C14orf39: variants seen among roughly 807,000 people sequenced by gnomAD.
C14orf39 encodes chromosome 14 open reading frame 39.
In C14orf39, 66 loss-of-function variants were observed where a neutral mutation model predicts 85.6. That is an observed-to-expected ratio of 0.77 (90% CI 0.63 to 0.95). The LOEUF (loss-of-function observed/expected upper bound fraction) is 0.95. Ranked by LOEUF, C14orf39 falls within the 40% of genes least tolerant of loss-of-function variation. The pLI is 0.00. For synonymous variants in C14orf39, 242 were observed against 214.0 expected (o/e 1.13, Z -1.14); for missense variants, 735 against 663.9 (o/e 1.11, Z -1.18).
chr14:60,510,266 A>G (rs1893270595), intron 1 of C14orf39, among the ~76,000 whole-genome samples: 1 of 152,266 alleles, frequency 6.6e-6, no homozygotes, highest in South Asian at 2.1e-4. Flanking sequence ...TTAAAATCCT[A>G]CAAACAGTTA....
At chr14:60,509,664 C>G in intron 1 of C14orf39, 1 of 1,614,008 alleles carries the variant, frequency 6.2e-7, no homozygotes, top group Non-Finnish European at 8.5e-7. Context: ...AAGCTGCAGG[C>G]GCTGTGGCTT....
rs534592125 is a variant in C14orf39 at position 60,472,936 on chromosome 14, G to A, written c.324-1197C>T. On this transcript the variant is annotated intron_variant, in intron 5 of 17. Transcript: ENST00000321731. The stretch of plus-strand genomic sequence containing the variant: ...TATATACCCAGTAATGGGATGGCTG[G>A]GTCAAACGGTAATTCTAGTTCTAGA... Among the ~76,000 whole-genome samples, 23 of 152,194 alleles carry A rather than the reference G, an allele frequency of 1.5e-4. No individual in the cohort carries two copies. In the South Asian group the frequency reaches 4.8e-3, roughly 32 times the overall value.
At chr14:60,490,647 A>T (rs1438250914), upstream of C14orf39, among the ~76,000 whole-genome samples, 2 of 151,950 alleles carry the variant, frequency 1.3e-5, no homozygotes, top group Admixed American at 6.6e-5. Flanking sequence ...TAAAGTAAAA[A>T]ATTTTAAAAA....
intron 1 of C14orf39, among the ~76,000 whole-genome samples, chr14:60,502,647 A>C (rs764733782): frequency 2.6e-5 from 4 of 152,220 alleles, no homozygotes; most frequent in Non-Finnish European, 5.9e-5. Flanking sequence ...ATCTGCTGTT[A>C]AAGGAAATAT....
chr14:60,482,834 G>A (rs1410995567), intron 4 of C14orf39, among the ~76,000 whole-genome samples: 1 of 151,610 alleles, frequency 6.6e-6, no homozygotes, highest in Non-Finnish European at 1.5e-5. Context: ...GTTGCAGAAT[G>A]AAGTGAGTCC....
intron 1 of C14orf39, chr14:60,512,010 TATATGTATGTACCTATACAAAC>T (rs11267915): frequency 0.87 from 131,261 of 150,872 alleles, 57,705 homozygotes; most frequent in Non-Finnish European, 0.92. Flanking sequence ...CGTATGTGCA[TATATGTATGTACCTATACAAAC>T]ATATGTATGT....
At chr14:60,511,322 A>G in intron 1 of C14orf39, 1 of 1,523,218 alleles carries the variant, frequency 6.6e-7, no homozygotes, top group Non-Finnish European at 9.1e-7. Context: ...AAAGAGGGGA[A>G]GAAGATGAGA....
At chr14:60,472,036 G>T (rs1430230977) in intron 5 of C14orf39, among the ~76,000 whole-genome samples, 2 of 151,904 alleles carry the variant, frequency 1.3e-5, no homozygotes. Context: ...TTGTCCAACT[G>T]AATGATCTCT....
At chr14:60,460,289 A>G (rs1891458559) in intron 13 of C14orf39, among the ~76,000 whole-genome samples, 1 of 151,756 alleles carries the variant, frequency 6.6e-6, no homozygotes, top group Non-Finnish European at 1.5e-5. Context: ...CTCCTTGTCT[A>G]ACACTCTGTC....
chr14:60,440,688 A>G (rs1260210388), intron 17 of C14orf39, among the ~76,000 whole-genome samples: 1 of 152,096 alleles, frequency 6.6e-6, no homozygotes, highest in African/African-American at 2.4e-5. Context: ...CATTTCACTC[A>G]GAAAAAAAAC....
chr14:60,479,524 G>A (rs1422282895), intron 4 of C14orf39, among the ~76,000 whole-genome samples: 2 of 151,950 alleles, frequency 1.3e-5, no homozygotes, highest in African/African-American at 2.4e-5. Context: ...TTGCACAAGT[G>A]CCCCTGAATC....
intron 13 of C14orf39, among the ~76,000 whole-genome samples, chr14:60,460,422 CTGAG>C (rs1566664739): frequency 6.6e-6 from 1 of 151,756 alleles, no homozygotes; most frequent in African/African-American, 2.4e-5. Context: ...GAATCCTATA[CTGAG>C]TGAGAGAAAA....
intron 1 of C14orf39, 21 bp from the exon 2 acceptor site, chr14:60,485,107 AATT>A (rs1315987959): frequency 8.9e-6 from 14 of 1,580,148 alleles, no homozygotes; most frequent in Non-Finnish European, 1.1e-5. Context: ...TGAAAAAAAA[AATT>A]ATAAGATTTT....
intron 9 of C14orf39, 80 bp downstream of exon 9, chr14:60,468,365 T>A: frequency 1.3e-6 from 1 of 753,090 alleles, no homozygotes; most frequent in Non-Finnish European, 2.0e-6. Context: ...ATATTAGTGG[T>A]TTGGGATGGA....
chr14:60,446,446 T>C (rs1890769978), intron 16 of C14orf39, among the ~76,000 whole-genome samples: 1 of 152,214 alleles, frequency 6.6e-6, no homozygotes, highest in South Asian at 2.1e-4. Context: ...CTAGAAAATT[T>C]AGAAGAAATG....
rs189441889 is a variant in C14orf39 at position 60,443,572 on chromosome 14, A to G, written c.1504-1441T>C. Among the ~76,000 whole-genome samples the G allele has an allele frequency of 4.2e-3, 646 of 152,366 alleles. 2 individuals carry two copies. The highest frequency in any genetic ancestry group is 8.8e-3 in the Admixed American group (135 of 15,310). On this transcript the variant is annotated intron_variant, in intron 16 of 17. Transcript: ENST00000321731. ...GCTCAGCAAGGCCTACTGCCTCTAT[A>G]GACTCAAACTCTGTGAGCAGGGCAC...
chr14:60,507,133 T>C (rs2140185642), intron 1 of C14orf39, among the ~76,000 whole-genome samples: 1 of 152,168 alleles, frequency 6.6e-6, no homozygotes, highest in Non-Finnish European at 1.5e-5. Context: ...TTCTGCGCGC[T>C]AAGGGTGAGC....
In C14orf39 at chr14:60,491,507, C is replaced by T. The variant is rs755271605; in HGVS notation, c.-8-6421G>A. 1.3e-5 allele frequency among the ~76,000 whole-genome samples: 2 copies of T among 152,114 alleles called. No individual in the cohort carries two copies. Among genetic ancestry groups the T allele is most frequent in the East Asian group, 1.9e-4 (1 of 5,194 alleles). ...ATGTATTTCCCCCACTAATGCTGAC[C>T]TCCTTCATCCTTTTCATTAATGAGA... is the stretch of plus-strand genomic sequence containing the variant. On this transcript the variant is annotated intron_variant, in intron 2 of 5. Coordinates refer to the C14orf39 transcript ENST00000556799. This position sits in a 1 kb window ranked among gnomAD's most constrained non-coding sequence, Gnocchi z 4.5.
intron 3 of C14orf39, 64 bp from the exon 4 acceptor site, chr14:60,483,881 GA>G (rs1282549141): frequency 3.1e-5 from 36 of 1,144,454 alleles, no homozygotes; most frequent in South Asian, 1.4e-4. Flanking sequence ...AACAAATAGA[GA>G]AAAAAAATGG....
Sources: gnomAD v4.1 joint callset for allele counts (sites outside exome capture counted in the v4.1 genomes callset) on GRCh38, gnomAD v4.1.1 for gene constraint, Gnocchi (gnomAD v3.1) non-coding constraint, MANE v1.5 for transcripts, NCBI Gene and HGNC (gene_info 2026-07-23, HGNC 2026-07-21) for gene names.